The following PRPF8 variants were observed in gnomAD, a reference collection of about 807,000 sequenced individuals.
PRPF8 encodes the protein pre-mRNA processing factor 8.
PRPF8 carries 64 observed loss-of-function variants against 285.9 expected under a neutral mutation model. That is an observed-to-expected ratio of 0.22 (90% CI 0.18 to 0.28). PRPF8 has a LOEUF of 0.28. Among genes scored for constraint, PRPF8 ranks in the 10% least tolerant of loss-of-function variants. PRPF8 has a pLI of 1.00. For missense variants in PRPF8, 1,426 were observed against 3,026.7 expected (o/e 0.47, Z 12.41); for synonymous variants, 1,325 against 1,118.2 (o/e 1.18, Z -3.69).
chr17:1,665,875 T>A (rs1266672190), intron 24 of PRPF8, among the ~76,000 whole-genome samples: 1 of 139,608 alleles, frequency 7.2e-6, no homozygotes, highest in African/African-American at 2.7e-5. Flanking sequence ...AAGAGAAAGG[T>A]CCAGGCCAGG....
intron 2 of PRPF8, among the ~76,000 whole-genome samples, chr17:1,684,177 G>A (rs1913098636): frequency 6.6e-6 from 1 of 152,092 alleles, no homozygotes; most frequent in Middle Eastern, 3.2e-3. Context: ...GTGAGCCACC[G>A]CGCCCGGCCT....
Position 1,673,731 on chromosome 17 carries a change from C to G in PRPF8, c.3446+15G>C, listed in dbSNP as rs372843514. ...TTATGTCCTTCCAGCTCACACAGCC[C>G]CAACCTAGACTCACAAGTTAACATC... On this transcript the variant is annotated intron_variant, in intron 22 of 42. Coordinates refer to ENST00000304992, the MANE Select transcript of PRPF8 (RefSeq NM_006445.4). This position sits in a 1 kb window ranked among gnomAD's most constrained non-coding sequence, Gnocchi z 5.5. 2.9e-5 allele frequency: 47 copies of G among 1,613,732 alleles called. No individual in the cohort carries two copies. The African/African-American group carries it at 5.7e-4, about 20-fold the overall frequency.
intron 24 of PRPF8, among the ~76,000 whole-genome samples, chr17:1,667,772 G>A (rs779849856): frequency 6.6e-5 from 10 of 152,110 alleles, no homozygotes; most frequent in Non-Finnish European, 1.5e-4. Context: ...CTGAACTCCT[G>A]ACCTCGTGAT....
In PRPF8 at chr17:1,660,558, C is replaced by T. The variant is rs757290107; in HGVS notation, c.4659G>A (p.Val1553=). 7.4e-6 allele frequency: 12 copies of T among 1,614,090 alleles called. No homozygotes were observed. The highest frequency in any genetic ancestry group is 6.7e-5 in the African/African-American group (5 of 74,938). ...NRANVYVGFQ[V]QLDLTGIFMH... is the part of the protein sequence containing the mutation. ...TGAAGATACCCGTCAGGTCTAGCTG[C>T]ACCTGAAAGCCTACATATACCTGCC... The change falls in exon 30 of 43, where the codon GTG becomes GTA. Residue 1553 remains valine (V), a synonymous_variant. Coordinates refer to ENST00000304992, the MANE Select transcript of PRPF8 (RefSeq NM_006445.4).
intron 8 of PRPF8, among the ~76,000 whole-genome samples, chr17:1,680,286 T>C (rs1912836511): frequency 1.3e-5 from 2 of 152,190 alleles, no homozygotes; most frequent in South Asian, 4.1e-4. Flanking sequence ...TGGGGAGAAA[T>C]GGCGAGTAAC....
intron 6 of PRPF8, 131 bp from the exon 7 acceptor site, chr17:1,681,185 C>A: frequency 9.8e-7 from 1 of 1,020,082 alleles, no homozygotes; most frequent in Admixed American, 1.9e-5. Flanking sequence ...CTCAAACAAT[C>A]CTCCCACAGC....
At position 1,659,142 on chromosome 17, in the gene PRPF8, C is replaced by A; in HGVS notation, c.5138+215G>T. 1.5e-6 allele frequency: 1 copy of A among 670,930 alleles called. No homozygotes were observed. The highest frequency in any genetic ancestry group is 2.6e-6 in the Non-Finnish European group (1 of 378,828). 41.6% of individuals were successfully genotyped at this position (670,930 alleles called of 1,614,324 possible). On this transcript the variant is annotated intron_variant, in intron 32 of 42. Coordinates refer to ENST00000304992, the MANE Select transcript of PRPF8 (RefSeq NM_006445.4). This position sits in a 1 kb window ranked among gnomAD's most constrained non-coding sequence, Gnocchi z 5.1. ...CCGGGTTCAAGTAATTCTCCCACCT[C>A]AACCTTCTGAGTAGCTGGGACTACA... is the stretch of plus-strand genomic sequence containing the variant.
intron 24 of PRPF8, among the ~76,000 whole-genome samples, chr17:1,663,100 T>G (rs913904344): frequency 4.6e-5 from 7 of 152,138 alleles, no homozygotes; most frequent in African/African-American, 1.7e-4. Context: ...TATTCTAAGG[T>G]TCTTGTACTA....
chr17:1,680,615 C>G, intron 8 of PRPF8, 111 bp downstream of exon 8: 2 of 1,005,192 alleles, frequency 2.0e-6, no homozygotes, highest in South Asian at 1.3e-5. Context: ...AAGGGGAACA[C>G]TTAGCAAGAC....
chr17:1,657,444 G>A (rs1408815014), intron 34 of PRPF8, among the ~76,000 whole-genome samples: 4 of 152,068 alleles, frequency 2.6e-5, no homozygotes, highest in Admixed American at 1.3e-4. Context: ...AGGAGATTGA[G>A]ACCATCCTGG....
chr17:1,667,538 C>CTTT (rs34888623), intron 24 of PRPF8, among the ~76,000 whole-genome samples: 233 of 102,040 alleles, frequency 2.3e-3, no homozygotes, highest in Non-Finnish European at 3.2e-3. Flanking sequence ...CATGACATAG[C>CTTT]TTTTTTTTTT....
In PRPF8 at chr17:1,674,567, G is replaced by T; in HGVS notation, c.3174C>A (p.Ala1058=). 6.2e-7 allele frequency: 1 copy of T among 1,614,146 alleles called. No individual in the cohort carries two copies. Among genetic ancestry groups the T allele is most frequent in the Non-Finnish European group, 8.5e-7 (1 of 1,180,034 alleles). Reference sequence around the variant, plus strand: ...TCTGAGGGGGCCCAGCCATCTCACTGGCCCGGTGCAATCCCAATACAAGCA... The same window carrying T: ...TCTGAGGGGGCCCAGCCATCTCACTTGCCCGGTGCAATCCCAATACAAGCA... ...MDLLVLGLHR[A]SEMAGPPQMP... is the part of the protein sequence containing the mutation. The change falls in exon 21 of 43, where the codon GCC becomes GCA. Residue 1058 remains alanine, a synonymous_variant. Coordinates refer to ENST00000304992, the MANE Select transcript of PRPF8 (RefSeq NM_006445.4).
chr17:1,669,046 TCCTCTG>T (rs1912159445), intron 24 of PRPF8, among the ~76,000 whole-genome samples: 1 of 152,174 alleles, frequency 6.6e-6, no homozygotes, highest in African/African-American at 2.4e-5. Context: ...AGAGGATTTT[TCCTCTG>T]CTTGCTCTTT....
At position 1,658,282 on chromosome 17, in the gene PRPF8, C is replaced by G; in HGVS notation, c.5476G>C (p.Val1826Leu). 1 of 1,614,226 alleles carries G rather than the reference C, an allele frequency of 6.2e-7. No individual in the cohort carries two copies. Among genetic ancestry groups the G allele is most frequent in the Non-Finnish European group, 8.5e-7 (1 of 1,180,048 alleles). The part of the protein sequence containing the change: ...QLFLKIIHTS[V>L]WAGQKRLGQL... Reference sequence around the variant, plus strand: ...CCCAAACGCTTCTGTCCCGCCCACACGGACGTGTGGATTATCTTGAGGAAC... The same window carrying G: ...CCCAAACGCTTCTGTCCCGCCCACAGGGACGTGTGGATTATCTTGAGGAAC... Residue 1826 changes from valine (V) to leucine (L), a missense_variant, in exon 34 of 43, where the codon GTG becomes CTG. This residue lies in a region of PRPF8 where 19 missense variants were observed against 92.8 expected (regional missense o/e 0.20). Transcript: ENST00000304992. The surrounding 1 kb of genome is among the most constrained non-coding windows in gnomAD (Gnocchi z 4.1).
chr17:1,654,183 T>G (rs1911226729), intron 37 of PRPF8, 167 bp from the exon 38 acceptor site: 1 of 995,014 alleles, frequency 1.0e-6, no homozygotes, highest in Non-Finnish European at 1.6e-6. Context: ...CACTAACACT[T>G]CCAAGATTCG....
At chr17:1,672,175 T>A (rs1484034813) in intron 24 of PRPF8, among the ~76,000 whole-genome samples, 1 of 152,198 alleles carries the variant, frequency 6.6e-6, no homozygotes, top group East Asian at 1.9e-4. Flanking sequence ...GAAAACATTC[T>A]GCGCATGCAA....
chr17:1,682,016 G>T lies in PRPF8; in HGVS notation c.457C>A (p.Arg153=). Residue 153 remains arginine (R), a synonymous_variant, in exon 5 of 43, where the codon CGA becomes AGA. Transcript: ENST00000304992. ...AAATGCCTCCTATCTCTTTTTTCTC[G>T]GCGCATCATAATCCACATTGACCTG... The part of the protein sequence containing the change: ...QWGSMWIMMR[R]EKRDRRHFKR... 6.2e-7 allele frequency: 1 copy of T among 1,613,626 alleles called. No individual in the cohort carries two copies.
intron 24 of PRPF8, among the ~76,000 whole-genome samples, chr17:1,663,710 CAAAAAAAAAA>C (rs58454297): frequency 2.9e-4 from 5 of 17,110 alleles, no homozygotes; most frequent in East Asian, 4.0e-3. Context: ...GACTCCATCT[CAAAAAAAAAA>C]AAAAAAAAAA....
rs996984443 is a variant in PRPF8, at chr17:1,653,203, G to T, written c.6369+339C>A. Reference sequence around the variant, plus strand: ...GATCCACCCACCTAGGCCTCCCAAAGTGCTGGGATTATAGGCATTAGCCAC... The same window carrying T: ...GATCCACCCACCTAGGCCTCCCAAATTGCTGGGATTATAGGCATTAGCCAC... On this transcript the variant is annotated intron_variant, in intron 39 of 42. Coordinates refer to ENST00000304992, the MANE Select transcript of PRPF8 (RefSeq NM_006445.4). This position sits in a 1 kb window ranked among gnomAD's most constrained non-coding sequence, Gnocchi z 4.9. 2 of 436,762 alleles carry T rather than the reference G, an allele frequency of 4.6e-6. No homozygotes were observed. The highest frequency in any genetic ancestry group is 8.5e-6 in the Non-Finnish European group (2 of 234,258). 27.1% of individuals were successfully genotyped at this position (436,762 alleles called of 1,614,324 possible). A position where few individuals can be genotyped will look rare whatever the true frequency, so the allele number is the denominator to read the frequency against.
Sources: allele counts gnomAD v4.1 joint callset (sites outside exome capture counted in the v4.1 genomes callset), GRCh38; gene constraint gnomAD v4.1.1; regional missense constraint gnomAD v4.1.1; non-coding constraint Gnocchi (gnomAD v3.1); transcripts MANE v1.5; gene names NCBI Gene and HGNC (gene_info 2026-07-23, HGNC 2026-07-21).